Variants in PIP5K1B observed in about 807,000 individuals in gnomAD.
The protein encoded by PIP5K1B is phosphatidylinositol 4-phosphate 5-kinase type-1 beta.
Under a neutral mutation model 67.0 loss-of-function variants are expected in PIP5K1B, and 42 were observed. That is an observed-to-expected ratio of 0.63 (90% CI 0.49 to 0.81). The LOEUF (loss-of-function observed/expected upper bound fraction) is 0.81. Ranked by LOEUF, PIP5K1B falls within the 30% of genes least tolerant of loss-of-function variation. The pLI, the probability that PIP5K1B is intolerant of heterozygous loss-of-function variation, is 0.00. For synonymous variants in PIP5K1B, 214 were observed against 231.4 expected (o/e 0.92, Z 0.68); for missense variants, 459 against 646.3 (o/e 0.71, Z 3.14).
chr9:68,963,268 C>T (rs892021989), intron 14 of PIP5K1B: 8 of 454,134 alleles, frequency 1.8e-5, no homozygotes, highest in Admixed American at 1.4e-4. Context: ...TTTGCGAGGC[C>T]GAGGCAGACT....
At chr9:68,877,081 A>T (rs1427981420) in intron 6 of PIP5K1B, among the ~76,000 whole-genome samples, 1 of 152,192 alleles carries the variant, frequency 6.6e-6, no homozygotes, top group Non-Finnish European at 1.5e-5. Flanking sequence ...AATTAGTTCT[A>T]AATACTCCTG....
At chr9:68,759,347 A>G (rs1022358863) in intron 2 of PIP5K1B, among the ~76,000 whole-genome samples, 4 of 152,164 alleles carry the variant, frequency 2.6e-5, no homozygotes, top group African/African-American at 9.6e-5. Flanking sequence ...TAAGATTTTT[A>G]CATTCCAGTT....
chr9:68,810,730 A>G (rs146084667), intron 2 of PIP5K1B, among the ~76,000 whole-genome samples: 1 of 152,310 alleles, frequency 6.6e-6, no homozygotes, highest in East Asian at 1.9e-4. Flanking sequence ...TTCGGTAACT[A>G]TAGAGTTTTA....
At chr9:68,845,438 T>G (rs1004152016) in intron 4 of PIP5K1B, among the ~76,000 whole-genome samples, 1 of 152,230 alleles carries the variant, frequency 6.6e-6, no homozygotes, top group African/African-American at 2.4e-5. Flanking sequence ...AGCTGGGTTT[T>G]GGAGGAGAGT....
At chr9:68,716,927 A>G (rs546483996) in intron 1 of PIP5K1B, among the ~76,000 whole-genome samples, 3 of 152,318 alleles carry the variant, frequency 2.0e-5, no homozygotes, top group South Asian at 4.1e-4. Flanking sequence ...GAACAAAATC[A>G]TGTTCTGTAG....
At chr9:68,924,156 C>G (rs1022680193) in intron 12 of PIP5K1B, among the ~76,000 whole-genome samples, 28 of 147,958 alleles carry the variant, frequency 1.9e-4, no homozygotes, top group African/African-American at 7.0e-4. Context: ...AATCCTAGCA[C>G]TTTGGGAGGC....
intron 7 of PIP5K1B, among the ~76,000 whole-genome samples, chr9:68,889,403 A>G (rs986155701): frequency 4.6e-5 from 7 of 152,188 alleles, no homozygotes; most frequent in African/African-American, 1.7e-4. Flanking sequence ...AGTAAGCAGC[A>G]TAACTGGTCA....
intron 4 of PIP5K1B, among the ~76,000 whole-genome samples, chr9:68,838,046 G>C (rs1821719945): frequency 6.7e-6 from 1 of 150,258 alleles, no homozygotes; most frequent in South Asian, 2.1e-4. Context: ...ACTTATGTGG[G>C]GTTTTTTGTT....
chr9:68,804,588 A>ATT (rs66469506), intron 2 of PIP5K1B, among the ~76,000 whole-genome samples: 16 of 125,500 alleles, frequency 1.3e-4, no homozygotes, highest in South Asian at 5.4e-4. Flanking sequence ...CTAGTTTTCA[A>ATT]TTTTTTTTTT....
chr9:68,787,822 G>T (rs910987428), intron 2 of PIP5K1B, among the ~76,000 whole-genome samples: 2 of 151,830 alleles, frequency 1.3e-5, no homozygotes, highest in Non-Finnish European at 2.9e-5. Flanking sequence ...TAGTAGAGAC[G>T]GGGTTTCACC....
At chr9:68,968,445 G>A (rs1829153848) in intron 14 of PIP5K1B, among the ~76,000 whole-genome samples, 1 of 151,200 alleles carries the variant, frequency 6.6e-6, no homozygotes, top group East Asian at 1.9e-4. Flanking sequence ...GTTTCAATCT[G>A]GAGGCAGAGG....
rs758329552 is a variant in PIP5K1B at position 68,940,805 on chromosome 9, A to T, written c.1502+15A>T. 81 of 1,612,226 alleles carry T rather than the reference A, an allele frequency of 5.0e-5. No individual in the cohort carries two copies. In the South Asian group the frequency reaches 6.5e-4, roughly 13 times the overall value. ...TATTCAAACAGGTAATACTTAGTGC[A>T]GTCAAATAACCCATCAGGCTGTTAC... On this transcript the variant is annotated intron_variant, in intron 14 of 15. Coordinates refer to ENST00000265382, the MANE Select transcript of PIP5K1B (RefSeq NM_003558.4).
chr9:68,955,561 T>A (rs938091515), intron 14 of PIP5K1B, among the ~76,000 whole-genome samples: 1 of 152,194 alleles, frequency 6.6e-6, no homozygotes, highest in Non-Finnish European at 1.5e-5. Context: ...CAGTGCGATC[T>A]CTGGAAAAGT....
intron 2 of PIP5K1B, among the ~76,000 whole-genome samples, chr9:68,743,840 T>G (rs1829138667): frequency 6.6e-6 from 1 of 152,200 alleles, no homozygotes; most frequent in Non-Finnish European, 1.5e-5. Flanking sequence ...TTGATTCTCC[T>G]TGGGTTTCCT....
At chr9:68,876,863 C>T in intron 6 of PIP5K1B, 69 bp downstream of exon 6, 2 of 807,522 alleles carry the variant, frequency 2.5e-6, no homozygotes, top group South Asian at 1.4e-5. Context: ...ATAGCAACAG[C>T]AACAAGTGGC....
chr9:68,749,774 C>T (rs370741018), intron 2 of PIP5K1B, among the ~76,000 whole-genome samples: 6 of 152,128 alleles, frequency 3.9e-5, no homozygotes, highest in East Asian at 1.9e-4. Flanking sequence ...GGATGTTCAG[C>T]GGCATTCCTA....
chr9:68,735,609 C>T lies in PIP5K1B; in HGVS notation c.-242-6892C>T, dbSNP rs746807772. Among the ~76,000 whole-genome samples the T allele has an allele frequency of 2.0e-5, 3 of 152,262 alleles. No homozygotes were observed. The East Asian group carries it at 5.8e-4, about 29-fold the overall frequency. Reference sequence around the variant, plus strand: ...TTAGCCATGTTGGCCGAGCTGGTCTCGAACTCCTGGACTCAAGTGATCCGC... The same window carrying T: ...TTAGCCATGTTGGCCGAGCTGGTCTTGAACTCCTGGACTCAAGTGATCCGC... On this transcript the variant is annotated intron_variant, in intron 1 of 15. Transcript: ENST00000265382.
intron 2 of PIP5K1B, among the ~76,000 whole-genome samples, chr9:68,757,414 G>C (rs1449633077): frequency 6.6e-6 from 1 of 152,040 alleles, no homozygotes; most frequent in African/African-American, 2.4e-5. Flanking sequence ...CAGAGACCTA[G>C]TTTCATTAAA....
rs560710510 is a variant in PIP5K1B, at chr9:68,856,110, C to T, written c.70-7727C>T. 2.9e-4 allele frequency among the ~76,000 whole-genome samples: 44 copies of T among 152,204 alleles called. 1 individual carries two copies. Among genetic ancestry groups the T allele is most frequent in the African/African-American group, 1.0e-3 (42 of 41,532 alleles). On this transcript the variant is annotated intron_variant, in intron 4 of 15. Coordinates refer to ENST00000265382, the MANE Select transcript of PIP5K1B (RefSeq NM_003558.4). ...CCTTTTCAAATAAGAATGCTGTTCC[C>T]TCATTGAAACACATCAAACCATTAG...
Sources: gnomAD v4.1 joint callset for allele counts (sites outside exome capture counted in the v4.1 genomes callset) on GRCh38, gnomAD v4.1.1 for gene constraint, MANE v1.5 for transcripts, NCBI Gene and HGNC (gene_info 2026-07-23, HGNC 2026-07-21) for gene names.